The following KCNIP1 variants were observed in gnomAD, a reference collection of about 807,000 sequenced individuals.
The protein encoded by KCNIP1 is potassium voltage-gated channel interacting protein 1.
A neutral mutation model predicts 33.0 loss-of-function variants in KCNIP1; 18 were observed. The observed-to-expected ratio is 0.55, with a 90% CI of 0.38 to 0.81. The LOEUF (loss-of-function observed/expected upper bound fraction) is 0.81, where lower values mean the gene tolerates loss of function less well. Among genes scored for constraint, KCNIP1 ranks in the 30% least tolerant of loss-of-function variants. The probability of loss-of-function intolerance (pLI) is 0.00; values close to 1 mark genes in which losing one functional copy is unlikely to be tolerated. For synonymous variants in KCNIP1, 93 were observed against 98.3 expected (o/e 0.95, Z 0.32); for missense variants, 238 against 271.6 (o/e 0.88, Z 0.87).
At chr5:170,706,855 C>T (rs1055239659) in intron 1 of KCNIP1, among the ~76,000 whole-genome samples, 1 of 152,096 alleles carries the variant, frequency 6.6e-6, no homozygotes, top group Non-Finnish European at 1.5e-5. Flanking sequence ...AAATCCCACC[C>T]GTGTTAATCC....
intron 1 of KCNIP1, among the ~76,000 whole-genome samples, chr5:170,542,379 A>G (rs1167241700): frequency 6.6e-6 from 1 of 152,198 alleles, no homozygotes; most frequent in South Asian, 2.1e-4. Flanking sequence ...CAGCTTTTAA[A>G]TCTAAAATGT....
intron 1 of KCNIP1, among the ~76,000 whole-genome samples, chr5:170,692,420 A>G (rs561953951): frequency 6.6e-6 from 1 of 152,368 alleles, no homozygotes; most frequent in South Asian, 2.1e-4. Context: ...CGGAAATAAT[A>G]GCTTCCATCT....
intron 1 of KCNIP1, among the ~76,000 whole-genome samples, chr5:170,567,061 C>T (rs1757228549): frequency 6.6e-6 from 1 of 152,186 alleles, no homozygotes. Flanking sequence ...TTGTCCCTGA[C>T]AGTGGGATAC....
At chr5:170,586,005 T>A (rs1457832485) in intron 1 of KCNIP1, among the ~76,000 whole-genome samples, 1 of 152,216 alleles carries the variant, frequency 6.6e-6, no homozygotes, top group African/African-American at 2.4e-5. Flanking sequence ...GTTAGATGTA[T>A]CTGCTTCCAA....
At chr5:170,733,227 T>C (rs1453083335) in intron 6 of KCNIP1, among the ~76,000 whole-genome samples, 1 of 152,096 alleles carries the variant, frequency 6.6e-6, no homozygotes, top group East Asian at 1.9e-4. Context: ...GTCTGGGAAG[T>C]AAGGGGAAAT....
At chr5:170,673,786 C>G (rs983454556) in intron 1 of KCNIP1, among the ~76,000 whole-genome samples, 1 of 152,166 alleles carries the variant, frequency 6.6e-6, no homozygotes, top group East Asian at 1.9e-4. Context: ...CCCTGTCACT[C>G]TATACCCTTG....
At chr5:170,677,748 G>A (rs1448127525) in intron 1 of KCNIP1, among the ~76,000 whole-genome samples, 1 of 151,820 alleles carries the variant, frequency 6.6e-6, no homozygotes, top group Non-Finnish European at 1.5e-5. Flanking sequence ...ACATCCCCCT[G>A]ACACACATCA....
chr5:170,386,528 C>T (rs1452713181), intron 1 of KCNIP1, among the ~76,000 whole-genome samples: 2 of 152,132 alleles, frequency 1.3e-5, no homozygotes, highest in East Asian at 1.9e-4. Flanking sequence ...CACCTCCTTC[C>T]ACGGCACTTA....
intron 1 of KCNIP1, among the ~76,000 whole-genome samples, chr5:170,523,052 ATT>A (rs897524927): frequency 6.6e-6 from 1 of 152,106 alleles, no homozygotes; most frequent in African/African-American, 2.4e-5. Context: ...GAGTTGATAG[ATT>A]TTTTTCTCTC....
chr5:170,656,156 T>C (rs1387009749), intron 1 of KCNIP1, among the ~76,000 whole-genome samples: 1 of 152,234 alleles, frequency 6.6e-6, no homozygotes, highest in African/African-American at 2.4e-5. Context: ...CTGGGAACCC[T>C]GTTCTAATAA....
intron 1 of KCNIP1, among the ~76,000 whole-genome samples, chr5:170,677,673 A>G (rs921227374): frequency 2.0e-5 from 3 of 152,124 alleles, no homozygotes; most frequent in Admixed American, 6.5e-5. Flanking sequence ...GTCTTTTATG[A>G]TGTCTGGATC....
At chr5:170,559,692 AC>A (rs1756966462) in intron 1 of KCNIP1, among the ~76,000 whole-genome samples, 1 of 151,920 alleles carries the variant, frequency 6.6e-6, no homozygotes, top group African/African-American at 2.4e-5. Context: ...TGGACATTTC[AC>A]CTCTACATCC....
intron 1 of KCNIP1, among the ~76,000 whole-genome samples, chr5:170,386,141 C>CA (rs1222083071): frequency 1.5e-4 from 22 of 150,278 alleles, no homozygotes; most frequent in African/African-American, 4.7e-4. Context: ...AAACAAAAAA[C>CA]AAAAAAAGAT....
At chr5:170,361,255 A>C (rs1216815374) in intron 1 of KCNIP1, among the ~76,000 whole-genome samples, 1 of 152,066 alleles carries the variant, frequency 6.6e-6, no homozygotes, top group Non-Finnish European at 1.5e-5. Context: ...TTTGGGGGAG[A>C]GGATGTGGAA....
intron 1 of KCNIP1, among the ~76,000 whole-genome samples, chr5:170,716,220 C>G (rs762047642): frequency 2.6e-5 from 4 of 152,120 alleles, no homozygotes; most frequent in Non-Finnish European, 5.9e-5. Context: ...ACAACCAGCA[C>G]GAGTCTACAA....
intron 1 of KCNIP1, among the ~76,000 whole-genome samples, chr5:170,543,702 T>A (rs185578569): frequency 6.6e-6 from 1 of 152,250 alleles, no homozygotes; most frequent in Non-Finnish European, 1.5e-5. Flanking sequence ...TTGAAGCACC[T>A]GACAACTTTG....
chr5:170,385,491 C>T, intron 1 of KCNIP1: 1 of 1,612,896 alleles, frequency 6.2e-7, no homozygotes, highest in South Asian at 1.1e-5. Flanking sequence ...CAGAAGCAAA[C>T]AGAAGTGAGA....
intron 1 of KCNIP1, among the ~76,000 whole-genome samples, chr5:170,657,255 C>T (rs1255739867): frequency 6.6e-6 from 1 of 152,126 alleles, no homozygotes; most frequent in Non-Finnish European, 1.5e-5. Flanking sequence ...CTCGATCTCC[C>T]AAAGTCCTGG....
chr5:170,498,335 A>C (rs778149866), intron 1 of KCNIP1, among the ~76,000 whole-genome samples: 4 of 152,230 alleles, frequency 2.6e-5, no homozygotes, highest in African/African-American at 4.8e-5. Flanking sequence ...AGGGGCTCAA[A>C]GGTCAAATAA....
Sources: gnomAD v4.1 joint callset for allele counts (sites outside exome capture counted in the v4.1 genomes callset) on GRCh38, gnomAD v4.1.1 for gene constraint, MANE v1.5 for transcripts, NCBI Gene and HGNC (gene_info 2026-07-23, HGNC 2026-07-21) for gene names.